Variants in MACROH2A1 observed in about 807,000 individuals in gnomAD.
MACROH2A1 encodes core histone macro-H2A.1.
A neutral mutation model predicts 31.6 loss-of-function variants in MACROH2A1; 2 were observed. That is an observed-to-expected ratio of 0.06 (90% confidence interval 0.03 to 0.20). The LOEUF is 0.20. Among genes scored for constraint, MACROH2A1 ranks in the 10% least tolerant of loss-of-function variants. MACROH2A1 has a pLI of 1.00. For missense variants in MACROH2A1, 230 were observed against 474.0 expected (o/e 0.49, Z 4.78); for synonymous variants, 169 against 189.6 (o/e 0.89, Z 0.89).
chr5:135,343,719 A>C (rs1760335229), intron 7 of MACROH2A1: 1 of 443,438 alleles, frequency 2.3e-6, no homozygotes, highest in Admixed American at 3.6e-5. Flanking sequence ...GTTCTCCCAG[A>C]GGCAGAGCCT....
chr5:135,372,394 A>T (rs1764280758), intron 2 of MACROH2A1, among the ~76,000 whole-genome samples: 1 of 152,240 alleles, frequency 6.6e-6, no homozygotes, highest in South Asian at 2.1e-4. Context: ...AGTCTCCACA[A>T]CGCTATTCCC....
intron 4 of MACROH2A1, among the ~76,000 whole-genome samples, chr5:135,367,501 A>G (rs1763656842): frequency 6.6e-6 from 1 of 152,222 alleles, no homozygotes; most frequent in South Asian, 2.1e-4. Context: ...CAAGTCCAAA[A>G]AGTAAGATGA....
chr5:135,359,576 G>A, intron 5 of MACROH2A1: 1 of 984,652 alleles, frequency 1.0e-6, no homozygotes, highest in Non-Finnish European at 1.2e-6. Flanking sequence ...GACAGAAAGA[G>A]GGAAAGGGGT....
chr5:135,376,479 C>A (rs1323680001), intron 2 of MACROH2A1, among the ~76,000 whole-genome samples: 1 of 152,194 alleles, frequency 6.6e-6, no homozygotes, highest in African/African-American at 2.4e-5. Flanking sequence ...TCTAACCCAC[C>A]AACCCAACTC....
At position 135,389,120 on chromosome 5, in the gene MACROH2A1, G is replaced by A; in HGVS notation, c.-27C>T. 1 of 1,605,818 alleles carries A rather than the reference G, an allele frequency of 6.2e-7. No individual in the cohort carries two copies. Among genetic ancestry groups the A allele is most frequent in the Non-Finnish European group, 8.5e-7 (1 of 1,174,054 alleles). On this transcript the variant is annotated 5_prime_UTR_variant, in exon 2 of 9. Transcript: ENST00000511689. ...GCGGTGGCCCTGGAGGCGGATCAGTGAGCACACTGTGAAGGCGAGAGGCAC... is the reference window on the plus strand; with the variant it reads ...GCGGTGGCCCTGGAGGCGGATCAGTAAGCACACTGTGAAGGCGAGAGGCAC...
chr5:135,338,523 G>A (rs550214701), intron 8 of MACROH2A1, among the ~76,000 whole-genome samples: 16 of 152,308 alleles, frequency 1.1e-4, no homozygotes, highest in Middle Eastern at 3.4e-3. Context: ...TGCTGTTGTC[G>A]TTGCAGTTAC....
chr5:135,359,796 C>T (rs1298750343), intron 5 of MACROH2A1: 6 of 946,368 alleles, frequency 6.3e-6, no homozygotes, highest in Non-Finnish European at 7.6e-6. Flanking sequence ...ATTCTTTCTT[C>T]CCACCCCTTT....
intron 4 of MACROH2A1, among the ~76,000 whole-genome samples, chr5:135,365,942 C>T (rs1187889804): frequency 6.6e-6 from 1 of 152,216 alleles, no homozygotes; most frequent in African/African-American, 2.4e-5. Flanking sequence ...ATTGTAATCC[C>T]CATAATCCCC....
intron 5 of MACROH2A1, chr5:135,354,770 G>T (rs114265222): frequency 3.4e-5 from 11 of 319,580 alleles, no homozygotes; most frequent in African/African-American, 1.8e-4. Flanking sequence ...ACAAGGCAAA[G>T]GATTTTACTC....
intron 4 of MACROH2A1, chr5:135,361,020 C>A (rs1762778902): frequency 2.9e-6 from 1 of 342,524 alleles, no homozygotes; most frequent in Admixed American, 4.2e-5. Context: ...AAAAAGCCGA[C>A]TAAGGACTAT....
intron 2 of MACROH2A1, 21 bp downstream of exon 2, chr5:135,388,901 G>C: frequency 6.4e-7 from 1 of 1,569,952 alleles, no homozygotes; most frequent in Non-Finnish European, 8.7e-7. Context: ...GTGGTGTCTG[G>C]GTTGACTGAG....
rs921453863 is a variant in MACROH2A1, at chr5:135,398,177, G to A, written c.-34+885C>T. Reference sequence around the variant, plus strand: ...CAAGCAATGTACTGACCAACTCCTTGAGTGATCTGTGGCCCCTGCAGGAGT... The same window carrying A: ...CAAGCAATGTACTGACCAACTCCTTAAGTGATCTGTGGCCCCTGCAGGAGT... On this transcript the variant is annotated intron_variant, in intron 1 of 8. Coordinates refer to ENST00000511689, the MANE Select transcript of MACROH2A1 (RefSeq NM_138610.3). The surrounding 1 kb of genome is among the most constrained non-coding windows in gnomAD (Gnocchi z 4.6). 6.6e-6 allele frequency among the ~76,000 whole-genome samples: 1 copy of A among 152,088 alleles called. No individual in the cohort carries two copies. Among genetic ancestry groups the A allele is most frequent in the Admixed American group, 6.5e-5 (1 of 15,284 alleles).
At chr5:135,375,903 C>T (rs772949607) in intron 2 of MACROH2A1, among the ~76,000 whole-genome samples, 8 of 152,182 alleles carry the variant, frequency 5.3e-5, no homozygotes, top group Non-Finnish European at 1.2e-4. Flanking sequence ...CAACCCCAAT[C>T]GGAAGGTGAC....
chr5:135,358,424 T>C (rs1183423261), intron 5 of MACROH2A1: 1 of 985,252 alleles, frequency 1.0e-6, no homozygotes, highest in Non-Finnish European at 1.2e-6. Context: ...ATGTGACTCT[T>C]GGATCATAAA....
At chr5:135,335,479 T>C (rs1339130237) in intron 8 of MACROH2A1, among the ~76,000 whole-genome samples, 1 of 152,204 alleles carries the variant, frequency 6.6e-6, no homozygotes, top group Non-Finnish European at 1.5e-5. Context: ...CATGATACCT[T>C]TGACTAGCAC....
At chr5:135,353,336 T>A (rs921848071) in intron 5 of MACROH2A1, 1 of 367,414 alleles carries the variant, frequency 2.7e-6, no homozygotes, top group East Asian at 5.8e-5. Flanking sequence ...TAAAGGGACT[T>A]GTGATCTGGG....
intron 7 of MACROH2A1, 59 bp downstream of exon 7, chr5:135,345,909 G>A (rs1760762199): frequency 1.5e-5 from 17 of 1,129,850 alleles, no homozygotes; most frequent in Non-Finnish European, 1.4e-6. Context: ...CTCACAAAAT[G>A]GCTTTCCTAA....
At chr5:135,360,853 CTT>C (rs774667031) in intron 4 of MACROH2A1, 16 of 658,334 alleles carry the variant, frequency 2.4e-5, no homozygotes, top group Non-Finnish European at 4.4e-5. Flanking sequence ...AAAGGTAAAA[CTT>C]CACTTTACAG....
intron 5 of MACROH2A1, chr5:135,358,233 T>A: frequency 1.0e-6 from 1 of 985,446 alleles, no homozygotes; most frequent in Non-Finnish European, 1.2e-6. Context: ...TGCTCTAATG[T>A]ATCAATGCTC....
Sources: gnomAD v4.1 joint callset for allele counts (sites outside exome capture counted in the v4.1 genomes callset) on GRCh38, gnomAD v4.1.1 for gene constraint, Gnocchi (gnomAD v3.1) non-coding constraint, MANE v1.5 for transcripts, NCBI Gene and HGNC (gene_info 2026-07-23, HGNC 2026-07-21) for gene names.